The following PXDN variants were observed in gnomAD, a reference collection of about 807,000 sequenced individuals.
PXDN encodes peroxidasin homolog.
A neutral mutation model predicts 140.3 loss-of-function variants in PXDN; 77 were observed. The ratio of observed to expected loss-of-function variants is 0.55; its 90% CI spans 0.46 to 0.66. The LOEUF (loss-of-function observed/expected upper bound fraction) is 0.66, where lower values mean the gene tolerates loss of function less well. Among genes scored for constraint, PXDN ranks in the 30% least tolerant of loss-of-function variants. PXDN has a pLI of 0.00. For missense variants in PXDN, 1,838 were observed against 2,039.5 expected (o/e 0.90, Z 1.90); for synonymous variants, 911 against 857.4 (o/e 1.06, Z -1.09).
chr2:1,647,705 G>T (rs752224757), intron 17 of PXDN, among the ~76,000 whole-genome samples: 1 of 152,222 alleles, frequency 6.6e-6, no homozygotes, highest in African/African-American at 2.4e-5. Context: ...CTTAGGGGCT[G>T]GTGGCCCCAA....
Position 1,676,915 on chromosome 2 carries a change from G to A in PXDN, c.848+12C>T, listed in dbSNP as rs774207960. On this transcript the variant is annotated intron_variant, in intron 8 of 22. Coordinates refer to ENST00000252804, the MANE Select transcript of PXDN (RefSeq NM_012293.3). ...AGATGCACAGGGGCATTTCTGTTTG[G>A]CCCCAACTCACTTGTTTCGCAGCCA... 1.2e-6 allele frequency: 2 copies of A among 1,604,106 alleles called. No individual in the cohort carries two copies. The highest frequency in any genetic ancestry group is 1.7e-6 in the Non-Finnish European group (2 of 1,175,080).
intron 8 of PXDN, 74 bp from the exon 9 acceptor site, chr2:1,673,886 G>T (rs1402961697): frequency 5.3e-6 from 8 of 1,523,032 alleles, no homozygotes; most frequent in African/African-American, 1.4e-5. Context: ...CCAGCACAGG[G>T]GTTTCCAGCC....
chr2:1,716,303 T>C (rs562949574), intron 1 of PXDN, among the ~76,000 whole-genome samples: 2 of 151,936 alleles, frequency 1.3e-5, no homozygotes, highest in South Asian at 4.2e-4. Flanking sequence ...CTGGGCATGG[T>C]GGTACATACC....
chr2:1,653,203 C>A, intron 16 of PXDN: 1 of 317,820 alleles, frequency 3.1e-6, no homozygotes, highest in Non-Finnish European at 6.2e-6. Context: ...GTTTCACAGA[C>A]CCGGGACTCT....
intron 1 of PXDN, among the ~76,000 whole-genome samples, chr2:1,742,699 C>G (rs2125499081): frequency 6.6e-6 from 1 of 152,340 alleles, no homozygotes; most frequent in East Asian, 1.9e-4. Flanking sequence ...CGGCTCCATT[C>G]TAAAAGTCCA....
At chr2:1,694,220 A>G (rs1684247711) in intron 1 of PXDN, among the ~76,000 whole-genome samples, 1 of 152,172 alleles carries the variant, frequency 6.6e-6, no homozygotes, top group African/African-American at 2.4e-5. Flanking sequence ...CCAGTGCCTC[A>G]GGTGTTTGGT....
In PXDN at chr2:1,640,892, C is replaced by G. The variant is rs189109912; in HGVS notation, c.3953-1470G>C. Among the ~76,000 whole-genome samples the G allele has an allele frequency of 4.6e-5, 7 of 152,276 alleles. No homozygotes were observed. In the East Asian group the frequency reaches 1.4e-3, roughly 30 times the overall value. ...TGTGGGGTCCCTGCCAAAGCGCACA[C>G]CAGCCCCAACCCCAGAACTCTTTGA... On this transcript the variant is annotated intron_variant, in intron 19 of 22. Transcript: ENST00000252804.
At chr2:1,665,872 A>G (rs1340781254) in intron 10 of PXDN, among the ~76,000 whole-genome samples, 2 of 152,234 alleles carry the variant, frequency 1.3e-5, no homozygotes, top group Admixed American at 6.5e-5. Flanking sequence ...TGCAAGGTGT[A>G]TCAACCACCT....
intron 1 of PXDN, among the ~76,000 whole-genome samples, chr2:1,702,043 C>T (rs572071705): frequency 2.0e-5 from 3 of 152,222 alleles, no homozygotes; most frequent in Admixed American, 6.5e-5. Context: ...GACGCCTGAA[C>T]GGAGTAAGAC....
At chr2:1,719,166 G>C in intron 1 of PXDN, among the ~76,000 whole-genome samples, 1 of 152,180 alleles carries the variant, frequency 6.6e-6, no homozygotes, top group East Asian at 1.9e-4. Flanking sequence ...ACTCGGAAGG[G>C]GGCTTGCTCC....
chr2:1,680,065 T>C (rs1299416821), intron 7 of PXDN, 128 bp downstream of exon 7: 4 of 1,228,930 alleles, frequency 3.3e-6, no homozygotes, highest in Non-Finnish European at 4.5e-6. Flanking sequence ...CGTGTGTCTA[T>C]AAATGGTGTG....
Position 1,651,255 on chromosome 2 carries a change from TG to T in PXDN, c.2105-1581del, listed in dbSNP as rs1230765671. Among the ~76,000 whole-genome samples, 3 of 152,212 alleles carry T rather than the reference TG, an allele frequency of 2.0e-5. No homozygotes were observed. The highest frequency in any genetic ancestry group is 7.2e-5 in the African/African-American group (3 of 41,472). On this transcript the variant is annotated intron_variant, in intron 16 of 22. Transcript: ENST00000252804. This position sits in a 1 kb window ranked among gnomAD's most constrained non-coding sequence, Gnocchi z 4.4. ...TCCTCCCAAATGCCTGGCTGGGCTG[TG>T]GGGCTGGTCTCCGGGCTTTCCTCCA...
chr2:1,733,332 C>T (rs1685352809), intron 1 of PXDN, among the ~76,000 whole-genome samples: 1 of 152,122 alleles, frequency 6.6e-6, no homozygotes, highest in South Asian at 2.1e-4. Flanking sequence ...CCAATTGCTC[C>T]ACACCAGGGA....
Position 1,639,180 on chromosome 2 carries a change from T to A in PXDN, c.4073+122A>T. The stretch of plus-strand genomic sequence containing the variant: ...GGCTGCGGCCTGGCCCCCAGTGCCC[T>A]GGGACGTCCCTGCCAGGAACCATCC... On this transcript the variant is annotated intron_variant, in intron 20 of 22. Transcript: ENST00000252804. The surrounding 1 kb of genome is among the most constrained non-coding windows in gnomAD (Gnocchi z 5.0). 6.7e-7 allele frequency: 1 copy of A among 1,501,798 alleles called. No homozygotes were observed. Among genetic ancestry groups the A allele is most frequent in the Non-Finnish European group, 9.0e-7 (1 of 1,116,002 alleles). 93.0% of individuals were successfully genotyped at this position (1,501,798 alleles called of 1,614,324 possible).
chr2:1,644,531 C>T (rs1682806258), intron 18 of PXDN, 87 bp downstream of exon 18: 2 of 1,380,426 alleles, frequency 1.4e-6, no homozygotes, highest in South Asian at 4.2e-5. Flanking sequence ...GTGCCTCCCT[C>T]AGTCTCAACC....
At chr2:1,699,446 T>C (rs1188370944) in intron 1 of PXDN, among the ~76,000 whole-genome samples, 1 of 152,244 alleles carries the variant, frequency 6.6e-6, no homozygotes, top group Non-Finnish European at 1.5e-5. Context: ...CAGTGGCTCA[T>C]GCCTGTAATC....
At chr2:1,680,079 G>A (rs1572153581) in intron 7 of PXDN, 114 bp downstream of exon 7, 1 of 1,305,936 alleles carries the variant, frequency 7.7e-7, no homozygotes, top group African/African-American at 1.5e-5. Context: ...TGGTGTGTGT[G>A]TAAATGTGTG....
chr2:1,703,441 G>A (rs1439487941), intron 1 of PXDN, among the ~76,000 whole-genome samples: 1 of 53,088 alleles, frequency 1.9e-5, no homozygotes, highest in Non-Finnish European at 3.7e-5. Context: ...GGTGAAGCGG[G>A]GGACAACTCC....
At chr2:1,722,000 A>G (rs915364952) in intron 1 of PXDN, among the ~76,000 whole-genome samples, 5 of 152,220 alleles carry the variant, frequency 3.3e-5, no homozygotes, top group African/African-American at 1.2e-4. Flanking sequence ...GAGAAAGGCA[A>G]GCCAAGCTGA....
Sources: allele counts gnomAD v4.1 joint callset (sites outside exome capture counted in the v4.1 genomes callset), GRCh38; gene constraint gnomAD v4.1.1; non-coding constraint Gnocchi (gnomAD v3.1); transcripts MANE v1.5; gene names NCBI Gene and HGNC (gene_info 2026-07-23, HGNC 2026-07-21).